GRK5: variants seen among roughly 807,000 people sequenced by gnomAD.
GRK5 encodes the protein G protein-coupled receptor kinase 5, also known as g protein-coupled receptor kinase GRK5.
A neutral mutation model predicts 78.4 loss-of-function variants in GRK5; 40 were observed. That is an observed-to-expected ratio of 0.51 (90% CI 0.40 to 0.66). GRK5 has a LOEUF of 0.66. Among genes scored for constraint, GRK5 ranks in the 30% least tolerant of loss-of-function variants. The pLI, the probability that GRK5 is intolerant of heterozygous loss-of-function variation, is 0.00. For synonymous variants in GRK5, 289 were observed against 296.8 expected, an observed-to-expected ratio of 0.97 and a Z score of 0.27; for missense variants, 598 against 759.9, an observed-to-expected ratio of 0.79 and a Z score of 2.50.
intron 2 of GRK5, among the ~76,000 whole-genome samples, chr10:119,331,612 G>A (rs185796089): frequency 1.2e-3 from 181 of 152,348 alleles, no homozygotes; most frequent in African/African-American, 4.3e-3. Flanking sequence ...GCCCCTTTAG[G>A]GTGTGAGGTG....
At chr10:119,423,406 A>G (rs959952598) in intron 5 of GRK5, 140 bp downstream of exon 5, 19 of 632,840 alleles carry the variant, frequency 3.0e-5, no homozygotes, top group Admixed American at 5.4e-5. Context: ...AACTGTTTGT[A>G]TACTTCCCAC....
At chr10:119,333,580 T>TC (rs1850821355) in intron 2 of GRK5, 1 of 348,046 alleles carries the variant, frequency 2.9e-6, no homozygotes, top group East Asian at 7.9e-5. Flanking sequence ...ACCTTGCAAC[T>TC]CCCCATGAGC....
chr10:119,369,889 C>T (rs936060254), intron 2 of GRK5, among the ~76,000 whole-genome samples: 1 of 152,198 alleles, frequency 6.6e-6, no homozygotes, highest in Non-Finnish European at 1.5e-5. Context: ...GCCGTTCCCT[C>T]AGTCCACCCC....
At chr10:119,261,034 G>A (rs1353764050) in intron 1 of GRK5, among the ~76,000 whole-genome samples, 1 of 136,960 alleles carries the variant, frequency 7.3e-6, no homozygotes, top group Non-Finnish European at 1.6e-5. Context: ...CGGGCAGGGG[G>A]CTGACCCCCC....
chr10:119,345,055 A>T (rs1453995163), intron 2 of GRK5, among the ~76,000 whole-genome samples: 1 of 149,184 alleles, frequency 6.7e-6, no homozygotes, highest in Non-Finnish European at 1.5e-5. Context: ...TGCAACCTCC[A>T]CCTCCTGGGT....
chr10:119,289,408 T>G (rs1252561038), intron 1 of GRK5, among the ~76,000 whole-genome samples: 1 of 152,208 alleles, frequency 6.6e-6, no homozygotes, highest in Non-Finnish European at 1.5e-5. Flanking sequence ...GCTTAATGTC[T>G]TTGCTTTTGG....
rs922274192 is a variant in GRK5, at chr10:119,437,780, T to C, written c.929+939T>C. Among the ~76,000 whole-genome samples, 5 of 152,240 alleles carry C rather than the reference T, an allele frequency of 3.3e-5. No homozygotes were observed. In the South Asian group the frequency reaches 1.0e-3, roughly 32 times the overall value. ...ATACAAGAGTTTTTGAAGTTCTCCT[T>C]GACCGTAAGTCTCTAAGTGTTAAAA... On this transcript the variant is annotated intron_variant, in intron 9 of 15. Transcript: ENST00000392870.
chr10:119,414,298 G>A (rs540325014), intron 4 of GRK5, among the ~76,000 whole-genome samples: 12 of 152,356 alleles, frequency 7.9e-5, no homozygotes, highest in Admixed American at 6.5e-4. Flanking sequence ...GTCCACTGAC[G>A]GAACCATGGC....
intron 1 of GRK5, among the ~76,000 whole-genome samples, chr10:119,256,636 C>T (rs74157643): frequency 7.7e-4 from 117 of 152,122 alleles, no homozygotes; most frequent in African/African-American, 2.6e-3. Flanking sequence ...CACCCCACCC[C>T]TCACCCGTCG....
At chr10:119,435,055 G>A (rs572568615) in intron 8 of GRK5, among the ~76,000 whole-genome samples, 14 of 152,310 alleles carry the variant, frequency 9.2e-5, no homozygotes, top group East Asian at 1.9e-4. Flanking sequence ...TTTCAGCCAC[G>A]GATGGAGCAG....
intron 3 of GRK5, among the ~76,000 whole-genome samples, chr10:119,381,627 G>T: frequency 6.6e-6 from 1 of 152,210 alleles, no homozygotes; most frequent in Admixed American, 6.5e-5. Flanking sequence ...CTCTGCACCT[G>T]CCCGGGGAGC....
chr10:119,331,284 CTGTG>C (rs1473856480), intron 2 of GRK5, among the ~76,000 whole-genome samples: 5 of 152,158 alleles, frequency 3.3e-5, no homozygotes, highest in Non-Finnish European at 7.3e-5. Context: ...TGAAAAGGCT[CTGTG>C]TGTGAGTGCC....
intron 4 of GRK5, among the ~76,000 whole-genome samples, chr10:119,418,660 G>A (rs926364873): frequency 2.0e-5 from 3 of 152,290 alleles, no homozygotes; most frequent in East Asian, 1.9e-4. Context: ...CATTCATGGC[G>A]GGGACTTCAA....
chr10:119,246,174 C>T (rs894812370), intron 1 of GRK5, among the ~76,000 whole-genome samples: 18 of 151,986 alleles, frequency 1.2e-4, no homozygotes, highest in African/African-American at 4.4e-4. Flanking sequence ...ATACTAAATC[C>T]ATGGATGCTC....
intron 1 of GRK5, among the ~76,000 whole-genome samples, chr10:119,240,031 C>T (rs749901662): frequency 7.0e-4 from 107 of 151,984 alleles, no homozygotes; most frequent in Admixed American, 5.2e-4. Context: ...TGGGTATATA[C>T]CCAGTAATGG....
chr10:119,349,521 A>G (rs1287233016), intron 2 of GRK5, among the ~76,000 whole-genome samples: 1 of 152,162 alleles, frequency 6.6e-6, no homozygotes, highest in Non-Finnish European at 1.5e-5. Flanking sequence ...ACGCCTCCCC[A>G]GGGGGTCTCC....
intron 1 of GRK5, among the ~76,000 whole-genome samples, chr10:119,260,374 T>C (rs1226684809): frequency 9.0e-6 from 1 of 111,714 alleles, no homozygotes; most frequent in Admixed American, 9.1e-5. Context: ...ACCGTCTGCT[T>C]TTTTTTTTTT....
intron 1 of GRK5, among the ~76,000 whole-genome samples, chr10:119,241,076 T>A (rs1849017331): frequency 6.6e-6 from 1 of 152,150 alleles, no homozygotes; most frequent in Admixed American, 6.5e-5. Flanking sequence ...AGGGTGGAGA[T>A]CGGAGACTGG....
chr10:119,291,511 TCC>T (rs1849954271), intron 1 of GRK5, among the ~76,000 whole-genome samples: 2 of 131,702 alleles, frequency 1.5e-5, no homozygotes, highest in African/African-American at 6.2e-5. Context: ...TGCTGCTGCC[TCC>T]TCCTCCTCCT....
Sources: gnomAD v4.1 joint callset for allele counts (sites outside exome capture counted in the v4.1 genomes callset) on GRCh38, gnomAD v4.1.1 for gene constraint, MANE v1.5 for transcripts, NCBI Gene and HGNC (gene_info 2026-07-23, HGNC 2026-07-21) for gene names.